CRPPA: variants seen among roughly 807,000 people sequenced by gnomAD.
CRPPA encodes D-ribitol-5-phosphate cytidylyltransferase.
In CRPPA, 43 loss-of-function variants were observed where a neutral mutation model predicts 52.0. The ratio of observed to expected loss-of-function variants is 0.83; its 90% CI spans 0.65 to 1.07. The LOEUF (loss-of-function observed/expected upper bound fraction) is 1.07. Ranked by LOEUF, CRPPA falls within the 50% of genes least tolerant of loss-of-function variation. The pLI is 0.00. For synonymous variants in CRPPA, 250 were observed against 203.5 expected (o/e 1.23, Z -1.94); for missense variants, 629 against 551.7 (o/e 1.14, Z -1.40).
rs3085030 is a variant in CRPPA at position 16,414,350 on chromosome 7, AACACACAC to A, written c.257+6708_257+6715del. 9.4e-3 allele frequency among the ~76,000 whole-genome samples: 1,306 copies of A among 138,718 alleles called. 28 individuals carry two copies. Among genetic ancestry groups the A allele is most frequent in the African/African-American group, 0.027 (1,060 of 38,728 alleles). The allele number at this position is 138,718 out of a possible 152,430, so 91.0% of individuals were successfully genotyped here. A position where few individuals can be genotyped will look rare whatever the true frequency, so the allele number is the denominator to read the frequency against. On this transcript the variant is annotated intron_variant, in intron 1 of 9. Coordinates refer to ENST00000407010, the MANE Select transcript of CRPPA (RefSeq NM_001101426.4). ...TCCAGGTTGACCACCCCCCTACCCC[AACACACAC>A]ACACACACACACACACACACACACA...
At chr7:16,316,301 G>A (rs535496510) in intron 3 of CRPPA, among the ~76,000 whole-genome samples, 3 of 152,070 alleles carry the variant, frequency 2.0e-5, no homozygotes, top group South Asian at 4.1e-4. Context: ...GGAGACAGAA[G>A]AGGACAGGGC....
At chr7:16,192,356 G>A (rs2128390827) in intron 9 of CRPPA, among the ~76,000 whole-genome samples, 1 of 152,178 alleles carries the variant, frequency 6.6e-6, no homozygotes, top group East Asian at 1.9e-4. Flanking sequence ...CACAATGTTA[G>A]CGACATGGCT....
intron 8 of CRPPA, among the ~76,000 whole-genome samples, chr7:16,256,245 C>T (rs1783635926): frequency 6.6e-6 from 1 of 152,158 alleles, no homozygotes; most frequent in South Asian, 2.1e-4. Flanking sequence ...CCATCTCACA[C>T]CAGTTAGAAT....
intron 6 of CRPPA, chr7:16,269,301 A>T (rs1006451464): frequency 2.5e-4 from 2 of 8,000 alleles, no homozygotes; most frequent in Non-Finnish European, 4.2e-4. Context: ...TCCAATAACT[A>T]AAAAAAAAAA....
intron 9 of CRPPA, among the ~76,000 whole-genome samples, chr7:16,206,085 G>A (rs1312045752): frequency 1.3e-5 from 2 of 152,126 alleles, no homozygotes; most frequent in East Asian, 1.9e-4. Context: ...GCAGATAGGT[G>A]TATTCTAAAA....
At chr7:16,385,571 AAC>A (rs1204255470) in intron 2 of CRPPA, among the ~76,000 whole-genome samples, 1 of 152,230 alleles carries the variant, frequency 6.6e-6, no homozygotes, top group Non-Finnish European at 1.5e-5. Context: ...CTTCCAAAGA[AAC>A]ACAGAATTTT....
intron 9 of CRPPA, among the ~76,000 whole-genome samples, chr7:16,197,197 G>A (rs890569808): frequency 3.9e-5 from 6 of 152,138 alleles, no homozygotes; most frequent in African/African-American, 1.4e-4. Flanking sequence ...TGGAGAATGA[G>A]GACTAGGTTG....
chr7:16,323,747 A>G (rs773140807), intron 3 of CRPPA, among the ~76,000 whole-genome samples: 2 of 152,220 alleles, frequency 1.3e-5, no homozygotes, highest in Non-Finnish European at 2.9e-5. Flanking sequence ...CATAATGAAC[A>G]ATCCATAGTA....
chr7:16,376,462 T>C (rs1786889705), intron 2 of CRPPA, among the ~76,000 whole-genome samples: 1 of 152,114 alleles, frequency 6.6e-6, no homozygotes, highest in South Asian at 2.1e-4. Context: ...AAATTTTCCT[T>C]CATTATAAGT....
chr7:16,160,758 A>T (rs1384086212), intron 9 of CRPPA, among the ~76,000 whole-genome samples: 1 of 152,204 alleles, frequency 6.6e-6, no homozygotes, highest in Non-Finnish European at 1.5e-5. Flanking sequence ...TTTGCGCAGT[A>T]TGGCCATTTT....
chr7:16,131,034 G>A (rs548072746), intron 9 of CRPPA, among the ~76,000 whole-genome samples: 1 of 152,182 alleles, frequency 6.6e-6, no homozygotes. Flanking sequence ...CCTTCACCTT[G>A]AACTTGCCAG....
chr7:16,342,868 G>GATATATAGAT (rs1562643410), intron 3 of CRPPA, among the ~76,000 whole-genome samples: 5 of 80,532 alleles, frequency 6.2e-5, no homozygotes, highest in African/African-American at 2.0e-4. Context: ...GATATATAGA[G>GATATATAGAT]ATATATATAC....
intron 9 of CRPPA, among the ~76,000 whole-genome samples, chr7:16,207,253 C>T (rs2128395059): frequency 6.6e-6 from 1 of 152,290 alleles, no homozygotes; most frequent in East Asian, 1.9e-4. Context: ...TTTTGGAAAT[C>T]ACTTACCTTT....
chr7:16,095,488 G>A (rs1041416082), intron 9 of CRPPA, among the ~76,000 whole-genome samples: 7 of 152,118 alleles, frequency 4.6e-5, no homozygotes, highest in Non-Finnish European at 1.0e-4. Context: ...TTACCTTTAT[G>A]AAGTAAACTA....
chr7:16,350,331 T>C (rs1301939603), intron 3 of CRPPA, among the ~76,000 whole-genome samples: 2 of 152,124 alleles, frequency 1.3e-5, no homozygotes, highest in Non-Finnish European at 2.9e-5. Flanking sequence ...TAGAAGTACA[T>C]TGTCAAATCC....
chr7:16,197,970 T>C (rs1338641828), intron 9 of CRPPA, among the ~76,000 whole-genome samples: 1 of 138,176 alleles, frequency 7.2e-6, no homozygotes, highest in Admixed American at 7.3e-5. Flanking sequence ...TCCTTAAGAG[T>C]CATCACCACT....
intron 2 of CRPPA, among the ~76,000 whole-genome samples, chr7:16,401,865 A>G (rs1320003542): frequency 2.6e-5 from 4 of 151,270 alleles, no homozygotes. Flanking sequence ...CTTTCATTAA[A>G]AAAATATATA....
At chr7:16,134,070 T>C (rs1782722583) in intron 9 of CRPPA, among the ~76,000 whole-genome samples, 1 of 123,970 alleles carries the variant, frequency 8.1e-6, no homozygotes, top group African/African-American at 2.6e-5. Context: ...CAGCTGGGAC[T>C]ACAGGCGCCC....
intron 3 of CRPPA, among the ~76,000 whole-genome samples, chr7:16,324,619 C>T (rs761274778): frequency 2.0e-5 from 3 of 152,148 alleles, no homozygotes; most frequent in Non-Finnish European, 4.4e-5. Context: ...ACCTCTAGTA[C>T]AGATGGAGGG....
Sources: allele counts gnomAD v4.1 joint callset (sites outside exome capture counted in the v4.1 genomes callset), GRCh38; gene constraint gnomAD v4.1.1; transcripts MANE v1.5; gene names NCBI Gene and HGNC (gene_info 2026-07-23, HGNC 2026-07-21).